The following FNDC3A variants were observed in gnomAD, a reference collection of about 807,000 sequenced individuals.
FNDC3A encodes the protein fibronectin type III domain containing 3A.
Under a neutral mutation model 148.9 loss-of-function variants are expected in FNDC3A, and 32 were observed. The ratio of observed to expected loss-of-function variants is 0.21; its 90% confidence interval spans 0.16 to 0.29. The LOEUF is 0.29. Ranked by LOEUF, FNDC3A falls within the 10% of genes least tolerant of loss-of-function variation. The pLI is 1.00. For synonymous variants in FNDC3A, 472 were observed against 473.6 expected (o/e 1.00, Z 0.04); for missense variants, 1,191 against 1,452.8 (o/e 0.82, Z 2.93).
At chr13:49,006,071 G>A (rs780358042) in intron 1 of FNDC3A, 81 bp from the exon 2 acceptor site, 23 of 505,144 alleles carry the variant, frequency 4.6e-5, no homozygotes, top group Non-Finnish European at 7.3e-5. Flanking sequence ...TTAGGTTAAA[G>A]AATGAAACAT....
chr13:49,123,225 C>T (rs1055213492), intron 4 of FNDC3A, among the ~76,000 whole-genome samples: 4 of 151,964 alleles, frequency 2.6e-5, no homozygotes, highest in East Asian at 1.9e-4. Context: ...TTTGACAAAC[C>T]GGGCAAAAAC....
chr13:49,198,052 G>A lies in FNDC3A; in HGVS notation c.2561G>A (p.Gly854Asp), dbSNP rs1326854820. Residue 854 changes from glycine to aspartate, a missense_variant, in exon 22 of 26, where the codon GGC becomes GAC. Transcript: ENST00000492622. ...VACVTPPSVP[G>D]IVTCLQEISD... ...TGTGTGACTCCACCATCAGTTCCTG[G>A]CATTGTGACCTGTCTTCAAGAAATA... 1.9e-6 allele frequency: 3 copies of A among 1,613,976 alleles called. No individual in the cohort carries two copies. The East Asian group carries it at 6.7e-5, about 36-fold the overall frequency.
At chr13:49,038,261 G>A (rs1874651834) in intron 2 of FNDC3A, among the ~76,000 whole-genome samples, 1 of 152,180 alleles carries the variant, frequency 6.6e-6, no homozygotes, top group Non-Finnish European at 1.5e-5. Context: ...ATGAAAACAG[G>A]AATGCCTGTT....
chr13:49,158,387 G>C (rs550586942), intron 8 of FNDC3A, among the ~76,000 whole-genome samples: 2 of 152,208 alleles, frequency 1.3e-5, no homozygotes, highest in Non-Finnish European at 2.9e-5. Context: ...GCTCGCCCAC[G>C]GTACGCGCGC....
intron 3 of FNDC3A, among the ~76,000 whole-genome samples, chr13:49,088,179 A>G (rs1199934399): frequency 6.6e-6 from 1 of 152,210 alleles, no homozygotes; most frequent in Non-Finnish European, 1.5e-5. Flanking sequence ...TTCAATTATA[A>G]TAAAATTTAT....
chr13:49,153,375 T>G (rs1388185384), intron 8 of FNDC3A, among the ~76,000 whole-genome samples: 1 of 152,202 alleles, frequency 6.6e-6, no homozygotes, highest in African/African-American at 2.4e-5. Context: ...TGTTTGTTTT[T>G]TCTTGTAAAT....
chr13:49,006,183 T>C lies in FNDC3A; in HGVS notation c.-8T>C. On this transcript the variant is annotated 5_prime_UTR_variant, in exon 2 of 26. Coordinates refer to ENST00000492622, the MANE Select transcript of FNDC3A (RefSeq NM_001079673.2). ...AGCGTTATTCAGTATATTAATGTCTTATTGATAATGGCAGAACATCCACCA... is the reference window on the plus strand; with the variant it reads ...AGCGTTATTCAGTATATTAATGTCTCATTGATAATGGCAGAACATCCACCA... 2 of 1,529,830 alleles carry C rather than the reference T, an allele frequency of 1.3e-6. No individual in the cohort carries two copies. Among genetic ancestry groups the C allele is most frequent in the Non-Finnish European group, 1.8e-6 (2 of 1,106,992 alleles). 94.8% of individuals were successfully genotyped at this position (1,529,830 alleles called of 1,614,324 possible).
intron 8 of FNDC3A, among the ~76,000 whole-genome samples, chr13:49,166,658 G>T (rs1023119019): frequency 6.6e-6 from 1 of 152,016 alleles, no homozygotes; most frequent in Non-Finnish European, 1.5e-5. Flanking sequence ...TACCACTGGG[G>T]GTCACTTACT....
intron 1 of FNDC3A, among the ~76,000 whole-genome samples, chr13:48,995,795 A>T (rs997112713): frequency 1.3e-5 from 2 of 152,238 alleles, no homozygotes; most frequent in African/African-American, 4.8e-5. Flanking sequence ...TGTTAAATAC[A>T]GTCTATGAAA....
chr13:49,142,519 T>TTTTGTGTG (rs1882747729), intron 7 of FNDC3A, among the ~76,000 whole-genome samples: 2 of 152,296 alleles, frequency 1.3e-5, no homozygotes, highest in East Asian at 3.9e-4. Context: ...ACACACACAA[T>TTTTGTGTG]TACTACCTCA....
chr13:48,993,678 G>GAA (rs1164445063), intron 1 of FNDC3A, among the ~76,000 whole-genome samples: 1 of 152,184 alleles, frequency 6.6e-6, no homozygotes, highest in East Asian at 1.9e-4. Context: ...CTGCTGCTTT[G>GAA]AAGTGCATTT....
intron 2 of FNDC3A, among the ~76,000 whole-genome samples, chr13:49,068,824 T>G (rs188812460): frequency 6.6e-6 from 1 of 152,278 alleles, no homozygotes; most frequent in African/African-American, 2.4e-5. Context: ...ATACAACATG[T>G]TCTTACTTAC....
intron 8 of FNDC3A, among the ~76,000 whole-genome samples, chr13:49,166,461 T>C (rs1884467708): frequency 6.6e-6 from 1 of 151,812 alleles, no homozygotes; most frequent in Non-Finnish European, 1.5e-5. Flanking sequence ...CTTTTGGGGG[T>C]TGTGCTCTCA....
chr13:48,994,664 G>C (rs552447746), intron 1 of FNDC3A, among the ~76,000 whole-genome samples: 51 of 152,076 alleles, frequency 3.4e-4, no homozygotes, highest in Non-Finnish European at 6.9e-4. Flanking sequence ...TGTAATCCCA[G>C]CTACTCCGGA....
At chr13:49,065,979 G>C (rs1877234918) in intron 2 of FNDC3A, among the ~76,000 whole-genome samples, 1 of 152,072 alleles carries the variant, frequency 6.6e-6, no homozygotes, top group South Asian at 2.1e-4. Context: ...TCAAGTTTAT[G>C]CTAAATGAAT....
At chr13:49,103,960 T>G (rs1880009649) in intron 3 of FNDC3A, among the ~76,000 whole-genome samples, 1 of 151,878 alleles carries the variant, frequency 6.6e-6, no homozygotes, top group Non-Finnish European at 1.5e-5. Flanking sequence ...TCATGTAGAA[T>G]AAGGGAAGTG....
At chr13:49,167,438 GCAGTGCGCC>G (rs1210257244) in intron 9 of FNDC3A, 135 bp downstream of exon 9, 2 of 572,840 alleles carry the variant, frequency 3.5e-6, no homozygotes, top group Non-Finnish European at 2.9e-6. Context: ...TGGGCTGGGC[GCAGTGCGCC>G]CGTAATCCCA....
intron 3 of FNDC3A, chr13:49,110,213 T>A (rs559832376): frequency 1.7e-6 from 1 of 584,164 alleles, no homozygotes; most frequent in Non-Finnish European, 2.7e-6. Flanking sequence ...TGCTTTTTTT[T>A]CCCCCTTGCC....
intron 8 of FNDC3A, among the ~76,000 whole-genome samples, chr13:49,153,111 T>C (rs1477302873): frequency 1.3e-5 from 2 of 152,008 alleles, no homozygotes; most frequent in African/African-American, 2.4e-5. Context: ...TCCACAATGG[T>C]TGAACTAGTT....
Sources: allele counts gnomAD v4.1 joint callset (sites outside exome capture counted in the v4.1 genomes callset), GRCh38; gene constraint gnomAD v4.1.1; transcripts MANE v1.5; gene names NCBI Gene and HGNC (gene_info 2026-07-23, HGNC 2026-07-21).